Variants in CORIN observed in about 807,000 individuals in gnomAD.
The protein encoded by CORIN is atrial natriuretic peptide-converting enzyme.
Under a neutral mutation model 125.3 loss-of-function variants are expected in CORIN, and 117 were observed. The ratio of observed to expected loss-of-function variants is 0.93; its 90% CI spans 0.80 to 1.09. The LOEUF is 1.09. CORIN is among the 50% of genes least tolerant of loss of function. CORIN has a pLI of 0.00. For synonymous variants in CORIN, 450 were observed against 466.4 expected, an observed-to-expected ratio of 0.96 and a Z score of 0.45; for missense variants, 1,253 against 1,306.7, an observed-to-expected ratio of 0.96 and a Z score of 0.63.
At chr4:47,763,742 T>G (rs1729581479) in intron 3 of CORIN, among the ~76,000 whole-genome samples, 156 bp from the exon 4 acceptor site, 1 of 152,016 alleles carries the variant, frequency 6.6e-6, no homozygotes, top group South Asian at 2.1e-4. Flanking sequence ...TATGTGTATG[T>G]GTATGATAAT....
At chr4:47,767,606 G>A (rs1729819031) in intron 3 of CORIN, among the ~76,000 whole-genome samples, 1 of 152,088 alleles carries the variant, frequency 6.6e-6, no homozygotes, top group South Asian at 2.1e-4. Flanking sequence ...ATAACAATGA[G>A]CTATTAATAG....
intron 3 of CORIN, 110 bp from the exon 4 acceptor site, chr4:47,763,696 T>A: frequency 1.2e-6 from 1 of 866,842 alleles, no homozygotes; most frequent in South Asian, 1.7e-5. Context: ...CAAGAAAAAA[T>A]TTAGATATGC....
intron 5 of CORIN, among the ~76,000 whole-genome samples, chr4:47,717,382 A>C (rs17601586): frequency 6.6e-6 from 1 of 151,754 alleles, no homozygotes; most frequent in Non-Finnish European, 1.5e-5. Context: ...AGCTTCAAAG[A>C]CCTCCTCTAG....
chr4:47,804,584 G>A (rs1049156416), intron 2 of CORIN, among the ~76,000 whole-genome samples: 1 of 151,956 alleles, frequency 6.6e-6, no homozygotes, highest in South Asian at 2.1e-4. Flanking sequence ...AGGTTATTAT[G>A]TTAAATGAAA....
At chr4:47,623,117 T>TATATATATATATATATATATATACACAC (rs141525347) in intron 19 of CORIN, among the ~76,000 whole-genome samples, 7 of 134,522 alleles carry the variant, frequency 5.2e-5, no homozygotes, top group South Asian at 2.4e-4. Context: ...TATATATATA[T>TATATATATATATATATATATATACACAC]ACACACACAC....
intron 16 of CORIN, among the ~76,000 whole-genome samples, chr4:47,632,745 A>AGATAGATAGAT (rs1553905919): frequency 2.5e-4 from 29 of 117,442 alleles, no homozygotes; most frequent in African/African-American, 9.7e-4. Context: ...ATAGATAGAT[A>AGATAGATAGAT]GATAGATAGA....
intron 13 of CORIN, among the ~76,000 whole-genome samples, chr4:47,647,365 T>C (rs1376637887): frequency 6.6e-6 from 1 of 152,036 alleles, no homozygotes; most frequent in African/African-American, 2.4e-5. Context: ...GAGAATGAAA[T>C]AAAATAGCAT....
chr4:47,825,045 C>T (rs886658257), intron 1 of CORIN, among the ~76,000 whole-genome samples: 12 of 152,188 alleles, frequency 7.9e-5, no homozygotes, highest in African/African-American at 2.4e-4. Context: ...GTGAGCACAC[C>T]GCTGGCCTGT....
At chr4:47,692,867 C>T (rs999242000) in intron 6 of CORIN, 103 bp downstream of exon 6, 12 of 863,698 alleles carry the variant, frequency 1.4e-5, no homozygotes, top group Non-Finnish European at 2.1e-5. Context: ...CGTTTGCTCG[C>T]TTTAGAAAGG....
At chr4:47,756,981 G>A (rs61764272) in intron 4 of CORIN, among the ~76,000 whole-genome samples, 2 of 152,100 alleles carry the variant, frequency 1.3e-5, no homozygotes, top group Non-Finnish European at 2.9e-5. Flanking sequence ...AAGGAATCAA[G>A]TTAAAAACTA....
intron 1 of CORIN, among the ~76,000 whole-genome samples, chr4:47,819,239 T>C (rs552721927): frequency 7.0e-4 from 107 of 152,258 alleles, no homozygotes; most frequent in Non-Finnish European, 1.2e-3. Flanking sequence ...AAGATTTACT[T>C]GAACATGAAA....
rs771493157 is a variant in CORIN at position 47,623,606 on chromosome 4, C to T, written c.2505G>A (p.Lys835=). Residue 835 remains lysine, a synonymous_variant, in exon 19 of 22, where the codon AAG becomes AAA. Coordinates refer to ENST00000273857, the MANE Select transcript of CORIN (RefSeq NM_006587.4). The part of the protein sequence containing the change: ...GHICGCVLIA[K]KWVLTVAHCF... ...AGTGGGCAACTGTCAGAACCCACTTCTTGGCAATGAGGACACAGCCACAGA... is the reference window on the plus strand; with the variant it reads ...AGTGGGCAACTGTCAGAACCCACTTTTTGGCAATGAGGACACAGCCACAGA... The T allele has an allele frequency of 6.2e-7, 1 of 1,614,208 alleles. No individual in the cohort carries two copies. Among genetic ancestry groups the T allele is most frequent in the Non-Finnish European group, 8.5e-7 (1 of 1,180,028 alleles).
rs151271954 is a variant in CORIN, at chr4:47,716,210, C to T, written c.800-23127G>A. The stretch of plus-strand genomic sequence containing the variant: ...TCATTACATTGTACCAACTTGCTCC[C>T]AACATCTGTTCTGTTTACACAATGA... On this transcript the variant is annotated intron_variant, in intron 5 of 21. Coordinates refer to ENST00000273857, the MANE Select transcript of CORIN (RefSeq NM_006587.4). Among the ~76,000 whole-genome samples the T allele has an allele frequency of 4.6e-5, 7 of 152,318 alleles. No homozygotes were observed. In the East Asian group the frequency reaches 1.3e-3, roughly 29 times the overall value.
At chr4:47,791,943 T>C (rs1299637154) in intron 2 of CORIN, among the ~76,000 whole-genome samples, 6 of 152,084 alleles carry the variant, frequency 3.9e-5, no homozygotes, top group Non-Finnish European at 8.8e-5. Context: ...AAAATATTAA[T>C]ATAAACTATG....
At chr4:47,733,494 G>A (rs1449048088) in intron 5 of CORIN, among the ~76,000 whole-genome samples, 9 of 152,126 alleles carry the variant, frequency 5.9e-5, no homozygotes, top group Non-Finnish European at 1.0e-4. Flanking sequence ...CCGGAGCTAG[G>A]CAGAGCAAAT....
At chr4:47,725,393 CA>C (rs985257543) in intron 5 of CORIN, among the ~76,000 whole-genome samples, 1 of 152,008 alleles carries the variant, frequency 6.6e-6, no homozygotes, top group East Asian at 1.9e-4. Flanking sequence ...CCATACTAAT[CA>C]AAACAATGTG....
intron 5 of CORIN, among the ~76,000 whole-genome samples, chr4:47,738,163 A>G (rs1295572339): frequency 6.6e-6 from 1 of 152,108 alleles, no homozygotes; most frequent in African/African-American, 2.4e-5. Context: ...AGATCCCATG[A>G]ATGTGCAGGA....
At chr4:47,670,633 C>T (rs1577807034) in intron 10 of CORIN, among the ~76,000 whole-genome samples, 1 of 152,190 alleles carries the variant, frequency 6.6e-6, no homozygotes, top group Non-Finnish European at 1.5e-5. Context: ...GGGCCTGGGA[C>T]ATGACAGCCA....
chr4:47,837,935 A>G lies in CORIN; in HGVS notation c.15T>C (p.Pro5=). MKQS[P]ALAPEERCRR... Reference sequence around the variant, plus strand: ...GGCAGCGCTCTTCCGGAGCGAGGGCAGGAGACTGTTTCATGGATAAAAAGT... The same window carrying G: ...GGCAGCGCTCTTCCGGAGCGAGGGCGGGAGACTGTTTCATGGATAAAAAGT... The change falls in exon 1 of 22, where the codon CCT becomes CCC. Residue 5 remains proline (P), a synonymous_variant. Coordinates refer to ENST00000273857, the MANE Select transcript of CORIN (RefSeq NM_006587.4). 3.7e-6 allele frequency: 6 copies of G among 1,613,470 alleles called. No homozygotes were observed. The highest frequency in any genetic ancestry group is 5.1e-6 in the Non-Finnish European group (6 of 1,180,034).
Sources: allele counts gnomAD v4.1 joint callset (sites outside exome capture counted in the v4.1 genomes callset), GRCh38; gene constraint gnomAD v4.1.1; transcripts MANE v1.5; gene names NCBI Gene and HGNC (gene_info 2026-07-23, HGNC 2026-07-21).